Variants in LGSN observed in about 807,000 individuals in gnomAD.
LGSN encodes the protein lengsin.
Under a neutral mutation model 19.5 loss-of-function variants are expected in LGSN, and 21 were observed. The observed-to-expected ratio is 1.07, with a 90% confidence interval of 0.76 to 1.55. LGSN has a LOEUF of 1.55. Ranked by LOEUF, LGSN falls within the 40% of genes most tolerant of loss-of-function variation. LGSN has a pLI of 0.00. For missense variants in LGSN, 673 were observed against 608.5 expected, an observed-to-expected ratio of 1.11 and a Z score of -1.12; for synonymous variants, 257 against 215.6, an observed-to-expected ratio of 1.19 and a Z score of -1.68.
At chr6:63,379,184 C>G in the LGSN span, among the ~76,000 whole-genome samples, 1 of 151,978 alleles carries the variant, frequency 6.6e-6, no homozygotes, top group Non-Finnish European at 1.5e-5. Flanking sequence ...AATGCCCCCC[C>G]CTTTTTTTTA....
chr6:63,472,073 A>G, the LGSN span, among the ~76,000 whole-genome samples: 2 of 152,162 alleles, frequency 1.3e-5, no homozygotes, highest in East Asian at 1.9e-4. Flanking sequence ...AGATTTAGCA[A>G]TCTTTCTGAT....
At chr6:63,399,101 G>C in the LGSN span, among the ~76,000 whole-genome samples, 6 of 151,808 alleles carry the variant, frequency 4.0e-5, no homozygotes, top group Non-Finnish European at 8.8e-5. Context: ...GTTATCGCAC[G>C]TGGCCTCATT....
the LGSN span, among the ~76,000 whole-genome samples, chr6:63,440,169 G>A: frequency 6.6e-6 from 1 of 152,120 alleles, no homozygotes; most frequent in Non-Finnish European, 1.5e-5. Flanking sequence ...GGGACCCTGG[G>A]GAAACCCTGG....
At chr6:63,525,420 C>A in the LGSN span, among the ~76,000 whole-genome samples, 43 of 152,308 alleles carry the variant, frequency 2.8e-4, no homozygotes, top group African/African-American at 9.9e-4. Context: ...CGTTTGCTTG[C>A]TATTCTTGTC....
the LGSN span, among the ~76,000 whole-genome samples, chr6:63,442,612 G>C: frequency 6.6e-6 from 1 of 151,944 alleles, no homozygotes; most frequent in Non-Finnish European, 1.5e-5. Context: ...TAGACACAGA[G>C]TGCTGACTGG....
chr6:63,556,933 C>T, the LGSN span, among the ~76,000 whole-genome samples: 5 of 152,188 alleles, frequency 3.3e-5, no homozygotes, highest in Non-Finnish European at 7.3e-5. Flanking sequence ...TCATTGTCTG[C>T]TGCCAGATCC....
the LGSN span, among the ~76,000 whole-genome samples, chr6:63,560,600 C>T: frequency 5.9e-5 from 9 of 151,932 alleles, no homozygotes; most frequent in Non-Finnish European, 1.0e-4. Context: ...GATGGGTTTT[C>T]GCCATGTTGG....
At chr6:63,416,483 A>G in the LGSN span, among the ~76,000 whole-genome samples, 6 of 152,258 alleles carry the variant, frequency 3.9e-5, no homozygotes, top group Non-Finnish European at 7.3e-5. Context: ...GAGTAGCTGA[A>G]TATGGGTTAA....
chr6:63,323,772 TC>T (rs1231407047), upstream of LGSN, among the ~76,000 whole-genome samples: 9 of 147,406 alleles, frequency 6.1e-5, no homozygotes, highest in South Asian at 6.4e-4. Context: ...GTTTTTGCAT[TC>T]TTTTTTTTTT....
chr6:63,290,070 G>A (rs2127385801), intron 2 of LGSN, among the ~76,000 whole-genome samples: 1 of 151,862 alleles, frequency 6.6e-6, no homozygotes, highest in Admixed American at 6.6e-5. Context: ...AAAAAAAAAA[G>A]TATTAGTTTT....
chr6:63,531,707 G>T, the LGSN span, among the ~76,000 whole-genome samples: 1 of 151,842 alleles, frequency 6.6e-6, no homozygotes, highest in African/African-American at 2.4e-5. Context: ...GCCCAGGCTG[G>T]TCTTAACTAC....
upstream of LGSN, among the ~76,000 whole-genome samples, chr6:63,323,557 TATACACACACACACAC>T (rs1769141399): frequency 1.0e-5 from 1 of 96,166 alleles, no homozygotes; most frequent in East Asian, 2.8e-4. Context: ...CAAAACCTCA[TATACACACACACACAC>T]ACACACACAC....
At position 63,280,171 on chromosome 6, in the gene LGSN, T is replaced by C. The variant is rs144780462; in HGVS notation, c.1380A>G (p.Glu460=). The C allele has an allele frequency of 3.7e-6, 6 of 1,614,236 alleles. No individual in the cohort carries two copies. Among genetic ancestry groups the C allele is most frequent in the Middle Eastern group, 1.6e-4 (1 of 6,062 alleles). The change falls in exon 4 of 4, where the codon GAA becomes GAG. Residue 460 remains glutamate, a synonymous_variant. Transcript: ENST00000370657. ...CTTCTTCCAGTGCCACAAGGGCATCTTCTAGTTTTAAAGGGATCTCAGAAG... is the reference window on the plus strand; with the variant it reads ...CTTCTTCCAGTGCCACAAGGGCATCCTCTAGTTTTAAAGGGATCTCAGAAG... The part of the protein sequence containing the change: ...VEPSEIPLKL[E]DALVALEEDQ...
chr6:63,289,197 C>T (rs1392684084), intron 2 of LGSN, among the ~76,000 whole-genome samples: 1 of 152,178 alleles, frequency 6.6e-6, no homozygotes, highest in African/African-American at 2.4e-5. Context: ...TGAATGAATA[C>T]ATCCTGTGTG....
At chr6:63,433,219 G>A in the LGSN span, among the ~76,000 whole-genome samples, 1 of 152,078 alleles carries the variant, frequency 6.6e-6, no homozygotes, top group East Asian at 1.9e-4. Flanking sequence ...ATAATAATCA[G>A]CCTCTGTCCC....
chr6:63,366,978 AT>A, the LGSN span, among the ~76,000 whole-genome samples: 1 of 152,098 alleles, frequency 6.6e-6, no homozygotes, highest in Admixed American at 6.5e-5. Context: ...ACCTAAAACC[AT>A]AAAAACCCTA....
chr6:63,335,179 A>G, the LGSN span, among the ~76,000 whole-genome samples: 3 of 151,804 alleles, frequency 2.0e-5, no homozygotes, highest in Non-Finnish European at 4.4e-5. Context: ...AAGAAAGGAC[A>G]GTCTCTTTGA....
chr6:63,560,623 C>T, the LGSN span, among the ~76,000 whole-genome samples: 3 of 151,946 alleles, frequency 2.0e-5, no homozygotes, highest in Admixed American at 6.6e-5. Flanking sequence ...AGGCTGGTCT[C>T]GAACTCCTGA....
chr6:63,334,314 C>T, the LGSN span, among the ~76,000 whole-genome samples: 1 of 152,132 alleles, frequency 6.6e-6, no homozygotes. Context: ...CATTTCTATA[C>T]ACCAATCCTG....
Sources: allele counts gnomAD v4.1 joint callset (sites outside exome capture counted in the v4.1 genomes callset), GRCh38; gene constraint gnomAD v4.1.1; transcripts MANE v1.5; gene names NCBI Gene and HGNC (gene_info 2026-07-23, HGNC 2026-07-21).